Variants in PRKG1 observed in about 807,000 individuals in gnomAD.
The protein encoded by PRKG1 is cGMP-dependent protein kinase 1.
PRKG1 carries 35 observed loss-of-function variants against 88.1 expected under a neutral mutation model. The observed-to-expected ratio is 0.40, with a 90% CI of 0.30 to 0.53. The LOEUF (loss-of-function observed/expected upper bound fraction) is 0.53. PRKG1 is among the 20% of genes least tolerant of loss of function. PRKG1 has a pLI of 0.59. For missense variants in PRKG1, 540 were observed against 839.8 expected (o/e 0.64, Z 4.41); for synonymous variants, 303 against 292.5 (o/e 1.04, Z -0.37).
At chr10:52,125,913 C>G (rs1847921126) in intron 7 of PRKG1, 1 of 152,082 alleles carries the variant, frequency 6.6e-6, no homozygotes, top group African/African-American at 2.4e-5. Context: ...GACAGTTGAT[C>G]TGGTAACTGA....
intron 1 of PRKG1, among the ~76,000 whole-genome samples, chr10:51,087,231 T>C (rs995762341): frequency 6.6e-6 from 1 of 152,210 alleles, no homozygotes; most frequent in Admixed American, 6.5e-5. Flanking sequence ...AAGAAATCTT[T>C]GATAAAGTGA....
chr10:51,701,285 CTT>C (rs1006369170), intron 3 of PRKG1, among the ~76,000 whole-genome samples: 8 of 152,078 alleles, frequency 5.3e-5, no homozygotes, highest in Non-Finnish European at 7.4e-5. Flanking sequence ...GATTATGAAA[CTT>C]TTAAATTTCA....
intron 3 of PRKG1, among the ~76,000 whole-genome samples, chr10:51,740,834 T>C (rs954651522): frequency 1.3e-5 from 2 of 152,080 alleles, no homozygotes; most frequent in African/African-American, 4.8e-5. Context: ...TTAGCTGAGG[T>C]AGGTGGAATT....
chr10:51,259,695 C>T (rs1322098183), intron 2 of PRKG1, among the ~76,000 whole-genome samples: 2 of 152,084 alleles, frequency 1.3e-5, no homozygotes, highest in Non-Finnish European at 2.9e-5. Flanking sequence ...AGGCTGGTCT[C>T]GAACTCCTAA....
At chr10:51,559,855 G>A (rs1194835884) in intron 3 of PRKG1, among the ~76,000 whole-genome samples, 2 of 151,944 alleles carry the variant, frequency 1.3e-5, no homozygotes, top group African/African-American at 2.4e-5. Context: ...CTTAATTATG[G>A]TAGATGTTCA....
intron 8 of PRKG1, among the ~76,000 whole-genome samples, chr10:52,134,591 C>T (rs1176935016): frequency 6.6e-6 from 1 of 152,172 alleles, no homozygotes; most frequent in Non-Finnish European, 1.5e-5. Flanking sequence ...AGCAGTGGAA[C>T]AGGCTTTTCT....
At chr10:51,792,129 T>C (rs1008509044) in intron 3 of PRKG1, among the ~76,000 whole-genome samples, 1 of 152,108 alleles carries the variant, frequency 6.6e-6, no homozygotes, top group Non-Finnish European at 1.5e-5. Flanking sequence ...ATCACTTTCT[T>C]AATTGTGTTT....
intron 4 of PRKG1, among the ~76,000 whole-genome samples, chr10:51,864,877 T>C (rs995108990): frequency 6.6e-6 from 1 of 152,156 alleles, no homozygotes; most frequent in Non-Finnish European, 1.5e-5. Context: ...ATATTAAATA[T>C]TTATTTATCA....
chr10:51,374,599 T>C (rs528937985), intron 2 of PRKG1, among the ~76,000 whole-genome samples: 27 of 152,240 alleles, frequency 1.8e-4, no homozygotes, highest in African/African-American at 5.8e-4. Context: ...TCACCTTGTA[T>C]CTTGTGAGGA....
chr10:51,135,843 T>A (rs1169565893), intron 1 of PRKG1, among the ~76,000 whole-genome samples: 3 of 151,334 alleles, frequency 2.0e-5, no homozygotes, highest in African/African-American at 7.3e-5. Flanking sequence ...GTTTGTAAAA[T>A]AAAAAGCAAA....
intron 3 of PRKG1, among the ~76,000 whole-genome samples, chr10:51,680,916 G>T (rs1840835546): frequency 4.6e-5 from 7 of 152,176 alleles, no homozygotes. Flanking sequence ...TGAGCTAGTT[G>T]TGCTTTTATT....
intron 2 of PRKG1, among the ~76,000 whole-genome samples, chr10:51,374,094 ATATATAT>A (rs1439980137): frequency 1.0e-4 from 7 of 68,148 alleles, no homozygotes; most frequent in Admixed American, 6.5e-4. Flanking sequence ...AAAAAAAAAA[ATATATAT>A]ATATATATAT....
At chr10:51,703,421 T>C (rs1316208014) in intron 3 of PRKG1, among the ~76,000 whole-genome samples, 1 of 152,206 alleles carries the variant, frequency 6.6e-6, no homozygotes, top group East Asian at 1.9e-4. Flanking sequence ...CTTTCTACCC[T>C]TTCCCCTAGG....
At chr10:52,281,032 T>A in intron 13 of PRKG1, 102 bp downstream of exon 13, 1 of 1,354,310 alleles carries the variant, frequency 7.4e-7, no homozygotes, top group Non-Finnish European at 1.0e-6. Context: ...TCCTTTTCAA[T>A]GTTGTAACTT....
At chr10:51,836,042 G>A (rs1053221448) in intron 4 of PRKG1, among the ~76,000 whole-genome samples, 6 of 152,156 alleles carry the variant, frequency 3.9e-5, no homozygotes, top group Non-Finnish European at 5.9e-5. Context: ...TTTAAGGAAT[G>A]TCTATAAATA....
chr10:51,871,893 G>T (rs1167475229), intron 4 of PRKG1, among the ~76,000 whole-genome samples: 1 of 152,160 alleles, frequency 6.6e-6, no homozygotes, highest in East Asian at 1.9e-4. Context: ...CCCTGTGCTT[G>T]AAAGAGTAAA....
At chr10:51,917,822 G>T (rs1462467126) in intron 5 of PRKG1, among the ~76,000 whole-genome samples, 1 of 152,030 alleles carries the variant, frequency 6.6e-6, no homozygotes, top group Non-Finnish European at 1.5e-5. Flanking sequence ...TCTCCCTATA[G>T]AGAGGTCCCT....
intron 8 of PRKG1, among the ~76,000 whole-genome samples, chr10:52,147,438 CA>C (rs1837761353): frequency 6.6e-6 from 1 of 152,084 alleles, no homozygotes. Flanking sequence ...GACCAGAAAA[CA>C]AAAACAGTTT....
Position 51,627,936 on chromosome 10 carries a change from T to TC in PRKG1, c.592+160102dup, listed in dbSNP as rs1564579569. On this transcript the variant is annotated intron_variant, in intron 3 of 17. Transcript: ENST00000373980. ...CCCTTCCTTCCCTTCCTTTCTTCCT[T>TC]CCTTCCTTTCTTTCTTTCTTTCTTT... Among the ~76,000 whole-genome samples the TC allele has an allele frequency of 7.7e-3, 282 of 36,596 alleles. 3 individuals are homozygous for TC. Among genetic ancestry groups the TC allele is most frequent in the Admixed American group, 0.015 (42 of 2,848 alleles). The allele number at this position is 36,596 out of a possible 152,430, so 24.0% of individuals were successfully genotyped here.
Sources: allele counts gnomAD v4.1 joint callset (sites outside exome capture counted in the v4.1 genomes callset), GRCh38; gene constraint gnomAD v4.1.1; transcripts MANE v1.5; gene names NCBI Gene and HGNC (gene_info 2026-07-23, HGNC 2026-07-21).